The following CATSPERT variants were observed in gnomAD, a reference collection of about 807,000 sequenced individuals.
The protein encoded by CATSPERT is catsper channel auxiliary subunit tau.
chr2:201,606,665 G>A, the CATSPERT span, among the ~76,000 whole-genome samples: 1 of 152,214 alleles, frequency 6.6e-6, no homozygotes, highest in African/African-American at 2.4e-5. Flanking sequence ...TTGGGAGGCC[G>A]AGGTGGGTGT....
chr2:201,604,132 GGTGTGTGTGTGTAT>G, the CATSPERT span, among the ~76,000 whole-genome samples: 2 of 138,358 alleles, frequency 1.4e-5, no homozygotes, highest in African/African-American at 5.2e-5. Context: ...CCCTCTGTGT[GGTGTGTGTGTGTAT>G]GTGTGTGTGT....
the CATSPERT span, among the ~76,000 whole-genome samples, chr2:201,569,250 T>C: frequency 2.0e-5 from 3 of 152,112 alleles, no homozygotes; most frequent in Admixed American, 6.5e-5. Context: ...AGTCTGGGAA[T>C]TGATTGAGAG....
chr2:201,515,837 T>C, the CATSPERT span, among the ~76,000 whole-genome samples: 1 of 152,238 alleles, frequency 6.6e-6, no homozygotes, highest in Non-Finnish European at 1.5e-5. Context: ...CTCCTCTACA[T>C]GTGGCAGTGC....
chr2:201,552,268 C>T, the CATSPERT span, among the ~76,000 whole-genome samples: 1 of 152,192 alleles, frequency 6.6e-6, no homozygotes, highest in Non-Finnish European at 1.5e-5. Flanking sequence ...AGCCACTGCG[C>T]CCAGCCCTTG....
At chr2:201,594,933 G>A in the CATSPERT span, among the ~76,000 whole-genome samples, 78 of 152,020 alleles carry the variant, frequency 5.1e-4, no homozygotes, top group East Asian at 5.8e-4. Flanking sequence ...ATGTCCTCCC[G>A]TAGCTCGGAG....
At chr2:201,581,122 A>G in the CATSPERT span, among the ~76,000 whole-genome samples, 1 of 152,162 alleles carries the variant, frequency 6.6e-6, no homozygotes, top group African/African-American at 2.4e-5. Flanking sequence ...GCAAATTTAA[A>G]TAGCCAGGCA....
the CATSPERT span, among the ~76,000 whole-genome samples, chr2:201,599,850 T>A: frequency 1.3e-5 from 2 of 152,146 alleles, no homozygotes; most frequent in Non-Finnish European, 2.9e-5. Flanking sequence ...TGGACATATA[T>A]CCCCCAAATT....
At chr2:201,605,075 C>T in the CATSPERT span, among the ~76,000 whole-genome samples, 2 of 150,098 alleles carry the variant, frequency 1.3e-5, no homozygotes, top group African/African-American at 4.9e-5. Flanking sequence ...CACACACACA[C>T]ACATACACAA....
the CATSPERT span, among the ~76,000 whole-genome samples, chr2:201,504,860 C>T: frequency 6.6e-6 from 1 of 152,176 alleles, no homozygotes; most frequent in African/African-American, 2.4e-5. Flanking sequence ...AAAGTGGACA[C>T]AAGTCAGAGA....
the CATSPERT span, among the ~76,000 whole-genome samples, chr2:201,501,823 A>G: frequency 1.3e-5 from 2 of 152,238 alleles, no homozygotes; most frequent in African/African-American, 4.8e-5. Context: ...AAAAAAGCCA[A>G]ACTACCAAAA....
the CATSPERT span, among the ~76,000 whole-genome samples, chr2:201,497,423 T>G: frequency 6.6e-6 from 1 of 152,214 alleles, no homozygotes; most frequent in South Asian, 2.1e-4. Flanking sequence ...TTATAACATT[T>G]GAAGGCTCAT....
At chr2:201,565,860 T>A in the CATSPERT span, 6 of 1,580,336 alleles carry the variant, frequency 3.8e-6, no homozygotes, top group African/African-American at 8.2e-5. Flanking sequence ...CTGTCTGTGG[T>A]GTAATAACTT....
At chr2:201,554,962 T>C in the CATSPERT span, 1 of 152,218 alleles carries the variant, frequency 6.6e-6, no homozygotes, top group East Asian at 1.9e-4. Context: ...TAATAGTCTT[T>C]TATGATTAGC....
chr2:201,501,896 C>A, the CATSPERT span, among the ~76,000 whole-genome samples: 1 of 152,174 alleles, frequency 6.6e-6, no homozygotes, highest in Non-Finnish European at 1.5e-5. Context: ...GATTTAATCT[C>A]TTGACCCAGT....
chr2:201,500,629 G>A, the CATSPERT span, among the ~76,000 whole-genome samples: 1 of 152,140 alleles, frequency 6.6e-6, no homozygotes, highest in Admixed American at 6.5e-5. Flanking sequence ...TGTGATGCCT[G>A]GAGATATAAA....
the CATSPERT span, chr2:201,491,832 A>C: frequency 6.5e-7 from 1 of 1,536,992 alleles, no homozygotes; most frequent in Non-Finnish European, 8.7e-7. Context: ...CACCCCAACT[A>C]TATGGGTCTT....
chr2:201,487,554 C>A, the CATSPERT span: 2 of 1,463,084 alleles, frequency 1.4e-6, no homozygotes, highest in African/African-American at 2.8e-5. Context: ...GACTGCTGGC[C>A]TCACATATCA....
At chr2:201,602,189 A>G in the CATSPERT span, among the ~76,000 whole-genome samples, 6 of 152,150 alleles carry the variant, frequency 3.9e-5, no homozygotes, top group Non-Finnish European at 2.9e-5. Context: ...TATATAGTTG[A>G]AATTTTTCCT....
the CATSPERT span, chr2:201,619,035 C>A: frequency 9.3e-6 from 15 of 1,614,040 alleles, no homozygotes; most frequent in African/African-American, 1.6e-4. Context: ...TGTAGGGATT[C>A]CTCTGCAATA....
Sources: allele counts gnomAD v4.1 joint callset (sites outside exome capture counted in the v4.1 genomes callset), GRCh38; gene constraint gnomAD v4.1.1; transcripts MANE v1.5; gene names NCBI Gene and HGNC (gene_info 2026-07-23, HGNC 2026-07-21).